Variants in NCOA5 observed in about 807,000 individuals in gnomAD.
NCOA5 encodes the protein nuclear receptor coactivator 5.
In NCOA5, 12 loss-of-function variants were observed where a neutral mutation model predicts 59.0. The ratio of observed to expected loss-of-function variants is 0.20; its 90% confidence interval spans 0.13 to 0.33. The LOEUF is 0.33. Ranked by LOEUF, NCOA5 falls within the 10% of genes least tolerant of loss-of-function variation. The probability of loss-of-function intolerance (pLI) is 1.00; values close to 1 mark genes in which losing one functional copy is unlikely to be tolerated. For synonymous variants in NCOA5, 270 were observed against 275.5 expected (o/e 0.98, Z 0.20); for missense variants, 655 against 766.6 (o/e 0.85, Z 1.72).
At chr20:46,088,893 AAC>A (rs1394047759) in intron 1 of NCOA5, among the ~76,000 whole-genome samples, 6 of 152,240 alleles carry the variant, frequency 3.9e-5, no homozygotes, top group African/African-American at 1.4e-4. Context: ...TGTTTATTTC[AAC>A]AGACAGATAT....
chr20:46,066,950 A>G (rs760617309), intron 5 of NCOA5, 105 bp downstream of exon 5: 21 of 1,313,074 alleles, frequency 1.6e-5, no homozygotes, highest in Non-Finnish European at 2.0e-5. Context: ...GCGCACAGCA[A>G]TGCAAGAATA....
chr20:46,079,491 G>C, intron 1 of NCOA5, 38 bp from the exon 2 acceptor site: 1 of 1,493,422 alleles, frequency 6.7e-7, no homozygotes, highest in Non-Finnish European at 9.3e-7. Flanking sequence ...CAATGCTACG[G>C]AATAAAAACA....
At chr20:46,088,384 G>C (rs1012360696) in intron 1 of NCOA5, among the ~76,000 whole-genome samples, 2 of 152,186 alleles carry the variant, frequency 1.3e-5, no homozygotes, top group African/African-American at 2.4e-5. Context: ...TCACAATAAA[G>C]GAAGAAATGG....
chr20:46,067,364 G>A (rs1055501352), intron 4 of NCOA5, among the ~76,000 whole-genome samples, 183 bp from the exon 5 acceptor site: 9 of 152,100 alleles, frequency 5.9e-5, no homozygotes, highest in African/African-American at 1.9e-4. Context: ...ATTAAAGGAC[G>A]TGGCCATTTT....
intron 3 of NCOA5, among the ~76,000 whole-genome samples, chr20:46,069,575 A>C (rs113622233): frequency 0.026 from 3,895 of 152,210 alleles, 167 homozygotes; most frequent in African/African-American, 0.089. Flanking sequence ...ACGTCTATAC[A>C]AAAAAATTAG....
At chr20:46,070,168 A>G (rs1568880716) in intron 3 of NCOA5, 42 bp downstream of exon 3, 1 of 1,520,608 alleles carries the variant, frequency 6.6e-7, no homozygotes, top group Non-Finnish European at 9.0e-7. Context: ...ACATACATAA[A>G]AAGAACTCAG....
intron 4 of NCOA5, 77 bp from the exon 5 acceptor site, chr20:46,067,258 G>A (rs1486889178): frequency 6.7e-7 from 1 of 1,503,710 alleles, no homozygotes; most frequent in South Asian, 1.3e-5. Flanking sequence ...GTAGGCAAAG[G>A]TCATAATACT....
Position 46,062,059 on chromosome 20 carries a change from G to A in NCOA5, c.*241C>T, listed in dbSNP as rs1600613392. On this transcript the variant is annotated 3_prime_UTR_variant, in exon 8 of 8. Transcript: ENST00000290231. ...AAGCCCAGACACCTGTACTGCCCCC[G>A]GAGATATTTATTTTCTACAAAACAA... is the stretch of plus-strand genomic sequence containing the variant. 3 of 402,974 alleles carry A rather than the reference G, an allele frequency of 7.4e-6. No individual in the cohort carries two copies. Among genetic ancestry groups the A allele is most frequent in the Non-Finnish European group, 1.3e-5 (3 of 224,760 alleles). The allele number at this position is 402,974 out of a possible 1,614,324, so 25.0% of individuals were successfully genotyped here.
At chr20:46,072,876 G>C (rs1024136000) in intron 2 of NCOA5, among the ~76,000 whole-genome samples, 4 of 152,136 alleles carry the variant, frequency 2.6e-5, no homozygotes, top group African/African-American at 9.7e-5. Context: ...GTGCCACAAG[G>C]ACAAGAACTA....
In NCOA5 at chr20:46,070,200, AC is replaced by A. The variant is rs1339542600; in HGVS notation, c.365+9del. On this transcript the variant is annotated intron_variant, in intron 3 of 7. Coordinates refer to ENST00000290231, the MANE Select transcript of NCOA5 (RefSeq NM_020967.3). ...TCAGGAAAAAACAAGCAGAGTAACTACGTATGTACCTGTACATAGGATCTCG... is the reference window on the plus strand; with the variant it reads ...TCAGGAAAAAACAAGCAGAGTAACTAGTATGTACCTGTACATAGGATCTCG... 6.3e-7 allele frequency: 1 copy of A among 1,593,114 alleles called. No individual in the cohort carries two copies.
intron 5 of NCOA5, 108 bp from the exon 6 acceptor site, chr20:46,065,336 C>T (rs1600617480): frequency 3.0e-6 from 3 of 1,012,064 alleles, no homozygotes; most frequent in East Asian, 4.9e-5. Flanking sequence ...TAGTCTACCC[C>T]AGTACCGTAT....
At position 46,061,015 on chromosome 20, in the gene NCOA5, ATCATT is replaced by A. The variant is rs2084755767; in HGVS notation, c.*1280_*1284del. 1 of 152,222 alleles carries A rather than the reference ATCATT, an allele frequency of 6.6e-6. No homozygotes were observed. The highest frequency in any genetic ancestry group is 2.4e-5 in the African/African-American group (1 of 41,450). 9.4% of individuals were successfully genotyped at this position (152,222 alleles called of 1,614,324 possible). ...CTTTTTTCATTTTAATTAAAAAGTA[ATCATT>A]TCATTTTATTAACAACACAAGAGTT... On this transcript the variant is annotated 3_prime_UTR_variant, in exon 8 of 8. Transcript: ENST00000290231.
intron 4 of NCOA5, 81 bp downstream of exon 4, chr20:46,068,421 G>A (rs2084846709): frequency 1.4e-6 from 2 of 1,436,202 alleles, no homozygotes; most frequent in African/African-American, 2.9e-5. Flanking sequence ...TTTTTCAGAT[G>A]GGGGTACTGG....
rs556623247 is a variant in NCOA5, at chr20:46,085,318, T to G, written c.-30+4499A>C. ...TTGGGATTATAGGCATGAGTCACCATGCCTGGCCTGGAGTTCACTGTTTAT... is the reference window on the plus strand; with the variant it reads ...TTGGGATTATAGGCATGAGTCACCAGGCCTGGCCTGGAGTTCACTGTTTAT... On this transcript the variant is annotated intron_variant, in intron 1 of 7. Coordinates refer to ENST00000290231, the MANE Select transcript of NCOA5 (RefSeq NM_020967.3). Among the ~76,000 whole-genome samples the G allele has an allele frequency of 3.2e-4, 49 of 152,248 alleles. 1 individual carries two copies. Among genetic ancestry groups the G allele is most frequent in the Middle Eastern group, 6.8e-3 (2 of 294 alleles).
rs1354981203 is a variant in NCOA5, at chr20:46,061,224, C to G, written c.*1076G>C. On this transcript the variant is annotated 3_prime_UTR_variant, in exon 8 of 8. Coordinates refer to ENST00000290231, the MANE Select transcript of NCOA5 (RefSeq NM_020967.3). ...CCTCAAGACTGTGATCCACAGGGCT[C>G]TACTGAGCACAAACCCTGGGGAGAG... 6.6e-6 allele frequency: 1 copy of G among 152,558 alleles called. No homozygotes were observed. Among genetic ancestry groups the G allele is most frequent in the East Asian group, 1.9e-4 (1 of 5,206 alleles). 9.5% of individuals were successfully genotyped at this position (152,558 alleles called of 1,614,324 possible).
At chr20:46,082,351 T>C (rs935380378) in intron 1 of NCOA5, among the ~76,000 whole-genome samples, 1 of 152,104 alleles carries the variant, frequency 6.6e-6, no homozygotes, top group African/African-American at 2.4e-5. Flanking sequence ...GGTGTTAATG[T>C]AAAGAAGGGA....
chr20:46,076,289 C>T (rs1180507489), intron 2 of NCOA5, among the ~76,000 whole-genome samples: 1 of 152,038 alleles, frequency 6.6e-6, no homozygotes, highest in African/African-American at 2.4e-5. Flanking sequence ...ACTATTGATA[C>T]ATTTGGAGTT....
chr20:46,073,026 T>TTA (rs1449605827), intron 2 of NCOA5, among the ~76,000 whole-genome samples: 1 of 152,212 alleles, frequency 6.6e-6, no homozygotes, highest in African/African-American at 2.4e-5. Flanking sequence ...CTGTAATTGT[T>TTA]TACGTGGCTT....
rs769065807 is a variant in NCOA5 at position 46,063,363 on chromosome 20, G to A, written c.1147C>T (p.Pro383Ser). The A allele has an allele frequency of 1.2e-6, 2 of 1,611,712 alleles. No individual in the cohort carries two copies. The highest frequency in any genetic ancestry group is 8.5e-7 in the Non-Finnish European group (1 of 1,179,880). ...RLMRSSTDSL[P>S]GPISRQPLGA... ...TCGGCCCTGCCACGTAGCTCACCAG[G>A]CAGAGAGTCGGTGCTGCTCCTCATC... is the stretch of plus-strand genomic sequence containing the variant. The change falls in exon 7 of 8, where the codon CCT (proline) becomes TCT (serine). Residue 383 changes from proline to serine, a missense_variant. Physicochemically the swap from Pro to Ser is moderately conservative, Grantham distance 74. This residue lies in a region of NCOA5 where 325 missense variants were observed against 353.2 expected (regional missense o/e 0.92). Transcript: ENST00000290231.
Sources: allele counts gnomAD v4.1 joint callset (sites outside exome capture counted in the v4.1 genomes callset), GRCh38; gene constraint gnomAD v4.1.1; regional missense constraint gnomAD v4.1.1; transcripts MANE v1.5; gene names NCBI Gene and HGNC (gene_info 2026-07-23, HGNC 2026-07-21).